Variants in PBK observed in about 807,000 individuals in gnomAD.
PBK encodes the protein PDZ binding kinase, also known as lymphokine-activated killer T-cell-originated protein kinase.
A neutral mutation model predicts 33.5 loss-of-function variants in PBK; 22 were observed. The observed-to-expected ratio is 0.66, with a 90% CI of 0.47 to 0.94. The LOEUF (loss-of-function observed/expected upper bound fraction) is 0.94. PBK is among the 40% of genes least tolerant of loss of function. The probability of loss-of-function intolerance (pLI) is 0.00; values close to 1 mark genes in which losing one functional copy is unlikely to be tolerated. For missense variants in PBK, 376 were observed against 383.4 expected (o/e 0.98, Z 0.16); for synonymous variants, 129 against 123.8 (o/e 1.04, Z -0.28).
chr8:27,817,582 T>C (rs981977546), intron 6 of PBK, among the ~76,000 whole-genome samples: 2 of 152,132 alleles, frequency 1.3e-5, no homozygotes, highest in Non-Finnish European at 2.9e-5. Flanking sequence ...AGTTATATCT[T>C]GAAACTTTTG....
In PBK at chr8:27,828,119, C is replaced by T; in HGVS notation, c.138G>A (p.Val46=). The T allele has an allele frequency of 6.6e-7, 1 of 1,518,770 alleles. No homozygotes were observed. Among genetic ancestry groups the T allele is most frequent in the Non-Finnish European group, 9.1e-7 (1 of 1,095,962 alleles). The allele number at this position is 1,518,770 out of a possible 1,614,324, so 94.1% of individuals were successfully genotyped here. ...QKLGFGTGVN[V]YLMKRSPRGL... is the part of the protein sequence containing the mutation. ...CTTATACTTACCTTTTCATTAGGTA[C>T]ACATTTACCCCAGTACCAAAGCCAA... The change falls in exon 3 of 8, where the codon GTG becomes GTA. Residue 46 remains valine, a synonymous_variant. Coordinates refer to ENST00000301905, the MANE Select transcript of PBK (RefSeq NM_018492.4).
Position 27,828,118 on chromosome 8 carries a change from A to G in PBK, c.139T>C (p.Tyr47His), listed in dbSNP as rs199663154. ...TCTTATACTTACCTTTTCATTAGGT[A>G]CACATTTACCCCAGTACCAAAGCCA... ...KLGFGTGVNVYLMKRSPRGLS... is the reference protein window; with the variant it reads ...KLGFGTGVNVHLMKRSPRGLS... Residue 47 changes from tyrosine to histidine, a missense_variant, in exon 3 of 8, where the codon TAC becomes CAC. By Grantham distance (83) the Tyr-to-His change is moderately conservative (BLOSUM62 2). Coordinates refer to ENST00000301905, the MANE Select transcript of PBK (RefSeq NM_018492.4). 100 of 1,513,056 alleles carry G rather than the reference A, an allele frequency of 6.6e-5. No individual in the cohort carries two copies. Among genetic ancestry groups the G allele is most frequent in the Non-Finnish European group, 8.2e-5 (89 of 1,090,570 alleles). 93.7% of individuals were successfully genotyped at this position (1,513,056 alleles called of 1,614,324 possible).
intron 6 of PBK, among the ~76,000 whole-genome samples, chr8:27,814,328 G>A (rs72609987): frequency 0.14 from 21,993 of 151,990 alleles, 1,997 homozygotes; most frequent in East Asian, 0.36. Flanking sequence ...CCATAAAGCC[G>A]TTTATAATAG....
intron 6 of PBK, among the ~76,000 whole-genome samples, chr8:27,818,220 A>T (rs989248641): frequency 6.6e-6 from 1 of 152,240 alleles, no homozygotes; most frequent in Non-Finnish European, 1.5e-5. Flanking sequence ...GTGTTACCAC[A>T]GCAAAACCTA....
intron 6 of PBK, among the ~76,000 whole-genome samples, chr8:27,815,345 AG>A (rs1201779825): frequency 3.3e-5 from 5 of 152,178 alleles, no homozygotes; most frequent in Non-Finnish European, 7.4e-5. Flanking sequence ...CCAGACTAGG[AG>A]GGTACCCAGT....
chr8:27,828,006 C>T (rs373814975), intron 3 of PBK, 99 bp downstream of exon 3: 6 of 586,040 alleles, frequency 1.0e-5, no homozygotes, highest in Admixed American at 5.1e-5. Flanking sequence ...AGCAGACAAC[C>T]GAATCTAAAT....
intron 3 of PBK, among the ~76,000 whole-genome samples, 196 bp downstream of exon 3, chr8:27,827,909 G>A (rs1806056428): frequency 6.6e-6 from 1 of 152,176 alleles, no homozygotes; most frequent in Non-Finnish European, 1.5e-5. Flanking sequence ...CCATCAGGAG[G>A]AAGCTAGGAG....
At chr8:27,829,656 A>G in intron 2 of PBK, among the ~76,000 whole-genome samples, 1 of 150,778 alleles carries the variant, frequency 6.6e-6, no homozygotes, top group East Asian at 2.0e-4. Flanking sequence ...TCACTAGGTC[A>G]GGAGTTCGAG....
At chr8:27,811,454 T>C (rs979549615) in intron 6 of PBK, 1 of 459,734 alleles carries the variant, frequency 2.2e-6, no homozygotes, top group Non-Finnish European at 4.0e-6. Context: ...AAGACATGTG[T>C]GTGCAAGCTG....
intron 6 of PBK, among the ~76,000 whole-genome samples, chr8:27,814,349 C>CT (rs1395022109): frequency 2.0e-5 from 3 of 151,634 alleles, no homozygotes; most frequent in South Asian, 2.1e-4. Context: ...CCTAATTATT[C>CT]TTTAAATGTG....
At chr8:27,820,296 G>A (rs1563490885) in intron 6 of PBK, among the ~76,000 whole-genome samples, 1 of 152,186 alleles carries the variant, frequency 6.6e-6, no homozygotes, top group Admixed American at 6.5e-5. Flanking sequence ...ACTGCTTAAA[G>A]ATCCCAATCC....
At chr8:27,815,380 G>A (rs541392533) in intron 6 of PBK, among the ~76,000 whole-genome samples, 1 of 152,320 alleles carries the variant, frequency 6.6e-6, no homozygotes, top group South Asian at 2.1e-4. Context: ...AAGGAAAGAT[G>A]AGTGGTGTCT....
At chr8:27,828,328 T>A in intron 2 of PBK, 130 bp from the exon 3 acceptor site, 1 of 453,834 alleles carries the variant, frequency 2.2e-6, no homozygotes, top group Non-Finnish European at 3.9e-6. Flanking sequence ...ACAACATATA[T>A]CCTAATTTTA....
At chr8:27,835,229 G>T (rs1806206273) in intron 1 of PBK, among the ~76,000 whole-genome samples, 1 of 152,050 alleles carries the variant, frequency 6.6e-6, no homozygotes, top group Non-Finnish European at 1.5e-5. Flanking sequence ...TGACAAGCTT[G>T]TTCATCTTGT....
chr8:27,820,231 A>C (rs1187239681), intron 6 of PBK, among the ~76,000 whole-genome samples: 1 of 152,192 alleles, frequency 6.6e-6, no homozygotes, highest in Non-Finnish European at 1.5e-5. Flanking sequence ...ACTCATGCTA[A>C]ATAAACCGCT....
At position 27,823,154 on chromosome 8, in the gene PBK, A is replaced by G; in HGVS notation, c.204T>C (p.Pro68=). Residue 68 remains proline, a synonymous_variant, in exon 4 of 8, where the codon CCT becomes CCC. Transcript: ENST00000301905. ...CACTTCGATAATGATCATTACATAT[A>G]GGATTAATCTTTTTTACAGCCCAAG... ...HSPWAVKKIN[P]ICNDHYRSVY... is the part of the protein sequence containing the mutation. 6.4e-7 allele frequency: 1 copy of G among 1,553,416 alleles called. No individual in the cohort carries two copies. Among genetic ancestry groups the G allele is most frequent in the East Asian group, 2.3e-5 (1 of 44,224 alleles).
chr8:27,821,679 C>CAACT (rs1441224419), intron 5 of PBK, among the ~76,000 whole-genome samples: 1 of 152,138 alleles, frequency 6.6e-6, no homozygotes, highest in Non-Finnish European at 1.5e-5. Flanking sequence ...TCAGAAGATA[C>CAACT]AACTGCAGAT....
chr8:27,816,526 G>A (rs1232488868), intron 6 of PBK, among the ~76,000 whole-genome samples: 3 of 151,222 alleles, frequency 2.0e-5, no homozygotes, highest in Admixed American at 1.3e-4. Context: ...ACAGCTGCCC[G>A]CCACCACGCC....
At chr8:27,837,047 G>C (rs114538239) in intron 1 of PBK, among the ~76,000 whole-genome samples, 2 of 150,856 alleles carry the variant, frequency 1.3e-5, no homozygotes, top group African/African-American at 4.9e-5. Context: ...TAAATCACAA[G>C]GTTCTCATGA....
Sources: allele counts gnomAD v4.1 joint callset (sites outside exome capture counted in the v4.1 genomes callset), GRCh38; gene constraint gnomAD v4.1.1; transcripts MANE v1.5; gene names NCBI Gene and HGNC (gene_info 2026-07-23, HGNC 2026-07-21).